The following XPO7 variants were observed in gnomAD, a reference collection of about 807,000 sequenced individuals.
XPO7 encodes the protein exportin-7.
Under a neutral mutation model 144.3 loss-of-function variants are expected in XPO7, and 21 were observed. The ratio of observed to expected loss-of-function variants is 0.15; its 90% CI spans 0.10 to 0.21. XPO7 has a LOEUF of 0.21. Among genes scored for constraint, XPO7 ranks in the 10% least tolerant of loss-of-function variants. The probability of loss-of-function intolerance (pLI) is 1.00; values close to 1 mark genes in which losing one functional copy is unlikely to be tolerated. For synonymous variants in XPO7, 580 were observed against 499.6 expected, an observed-to-expected ratio of 1.16 and a Z score of -2.15; for missense variants, 808 against 1,325.8, an observed-to-expected ratio of 0.61 and a Z score of 6.06.
rs35396759 is a variant in XPO7, at chr8:21,980,161, T to C, written c.915T>C (p.Ser305=). The C allele has an allele frequency of 0.022, 35,746 of 1,604,022 alleles. 480 individuals carry two copies. The highest frequency in any genetic ancestry group is 0.041 in the Admixed American group (2,408 of 58,580). Residue 305 remains serine (S), a synonymous_variant, in exon 9 of 28, where the codon TCT becomes TCC. Transcript: ENST00000252512. ...FNNAERAKFL[S]HLVDGVKRIL... ...ATGCAGAGAGGGCCAAGTTTCTCTC[T>C]CATCTTGTTGATGGTGTTAAACGAA...
rs1345254763 is a variant in XPO7 at position 21,976,322 on chromosome 8, A to AT, written c.598-30dup. ...GGAGCAAGCTGGGAAGAGAGGAGTG[A>AT]TTTTGGGGACTCATTATGTGGTAAT... On this transcript the variant is annotated intron_variant, in intron 6 of 27. Transcript: ENST00000252512. 9 of 1,602,410 alleles carry AT rather than the reference A, an allele frequency of 5.6e-6. No homozygotes were observed. The African/African-American group carries it at 9.4e-5, about 17-fold the overall frequency.
chr8:21,998,639 T>C, intron 21 of XPO7, 116 bp from the exon 22 acceptor site: 1 of 752,888 alleles, frequency 1.3e-6, no homozygotes, highest in Non-Finnish European at 2.2e-6. Flanking sequence ...GGATAGGCAA[T>C]TGCTTACCTT....
chr8:21,944,190 C>G (rs942864894), intron 1 of XPO7, among the ~76,000 whole-genome samples: 1 of 152,142 alleles, frequency 6.6e-6, no homozygotes, highest in African/African-American at 2.4e-5. Flanking sequence ...ATGAGCTTTT[C>G]CTGTATCAGT....
chr8:21,947,329 G>T (rs1811224452), intron 1 of XPO7, among the ~76,000 whole-genome samples: 2 of 151,792 alleles, frequency 1.3e-5, no homozygotes, highest in African/African-American at 4.8e-5. Context: ...CTAGTACTGG[G>T]GAGAAAAATG....
At chr8:21,992,749 T>C (rs1015513746) in intron 19 of XPO7, among the ~76,000 whole-genome samples, 9 of 152,214 alleles carry the variant, frequency 5.9e-5, no homozygotes, top group Non-Finnish European at 1.2e-4. Context: ...GTTCTTGTTT[T>C]CTAGCTCTTA....
chr8:21,968,569 A>G (rs1307057827), intron 2 of XPO7, among the ~76,000 whole-genome samples: 1 of 152,214 alleles, frequency 6.6e-6, no homozygotes, highest in Non-Finnish European at 1.5e-5. Context: ...TCTGCCAGCT[A>G]ACTCCTGCTG....
chr8:21,985,470 A>C, intron 12 of XPO7, 116 bp from the exon 13 acceptor site: 1 of 982,782 alleles, frequency 1.0e-6, no homozygotes, highest in Non-Finnish European at 1.6e-6. Flanking sequence ...TCTCTGTAAG[A>C]AAAGTAAGAC....
intron 22 of XPO7, 118 bp downstream of exon 22, chr8:21,998,955 A>G: frequency 7.0e-7 from 1 of 1,435,684 alleles, no homozygotes; most frequent in African/African-American, 1.4e-5. Context: ...TTCGTATTGT[A>G]TGCTAATACA....
chr8:21,964,699 G>T (rs1811828873), intron 1 of XPO7, among the ~76,000 whole-genome samples: 1 of 152,022 alleles, frequency 6.6e-6, no homozygotes, highest in Admixed American at 6.6e-5. Context: ...TGTTTCCTGA[G>T]CTGAGAACTC....
chr8:21,954,486 T>C (rs1333719421), intron 1 of XPO7, among the ~76,000 whole-genome samples: 3 of 151,906 alleles, frequency 2.0e-5, no homozygotes, highest in Non-Finnish European at 4.4e-5. Flanking sequence ...ATTCAAAAAT[T>C]AGCCAGGTGT....
At chr8:21,978,793 TC>T (rs1380103786) in intron 8 of XPO7, among the ~76,000 whole-genome samples, 1 of 152,134 alleles carries the variant, frequency 6.6e-6, no homozygotes, top group Non-Finnish European at 1.5e-5. Context: ...CTAGAGAAAC[TC>T]TGCCACTGCA....
chr8:21,987,260 T>G lies in XPO7; in HGVS notation c.1697T>G (p.Val566Gly). The G allele has an allele frequency of 6.2e-7, 1 of 1,614,038 alleles. No homozygotes were observed. Among genetic ancestry groups the G allele is most frequent in the African/African-American group, 1.3e-5 (1 of 75,050 alleles). The change falls in exon 14 of 28, where the codon GTG becomes GGG. Residue 566 changes from valine (V) to glycine (G), a missense_variant. Physicochemically the swap from Val to Gly is moderately radical, Grantham distance 109. Coordinates refer to ENST00000252512, the MANE Select transcript of XPO7 (RefSeq NM_015024.5). ...CGTAAGATCTACATTGGGGACCAAGTGCAGAAATCCTCTAAGGTAACAGCC... is the reference window on the plus strand; with the variant it reads ...CGTAAGATCTACATTGGGGACCAAGGGCAGAAATCCTCTAAGGTAACAGCC... ...QFRKIYIGDQ[V>G]QKSSKLYRRL...
At chr8:21,958,607 A>C in intron 1 of XPO7, among the ~76,000 whole-genome samples, 1 of 151,776 alleles carries the variant, frequency 6.6e-6, no homozygotes, top group East Asian at 1.9e-4. Context: ...GAAACATGGC[A>C]GTGAAAAAAA....
At chr8:21,988,577 C>A in intron 15 of XPO7, 1 of 174,990 alleles carries the variant, frequency 5.7e-6, no homozygotes, top group South Asian at 1.3e-4. Flanking sequence ...ATGGAAAAAG[C>A]AAAGGGGGTC....
chr8:21,989,127 A>C (rs992293891), intron 16 of XPO7, 44 bp downstream of exon 16: 2 of 1,557,710 alleles, frequency 1.3e-6, no homozygotes, highest in Non-Finnish European at 1.8e-6. Flanking sequence ...AGAAACTGGC[A>C]TGCCACAGTC....
chr8:21,927,139 C>CT lies in XPO7; in HGVS notation c.18+7352dup, dbSNP rs541958037. ...GCACACATGCTTGTAGTCCCAGCTA[C>CT]TGGGGGGGAGGCTAAGCTGGGAGGA... On this transcript the variant is annotated intron_variant, in intron 1 of 27. Transcript: ENST00000252512. Among the ~76,000 whole-genome samples, 1,187 of 152,144 alleles carry CT rather than the reference C, an allele frequency of 7.8e-3. 10 individuals carry two copies. The highest frequency in any genetic ancestry group is 0.033 in the South Asian group (161 of 4,822).
At chr8:21,984,117 A>G (rs1159625523) in intron 11 of XPO7, among the ~76,000 whole-genome samples, 1 of 152,138 alleles carries the variant, frequency 6.6e-6, no homozygotes, top group Non-Finnish European at 1.5e-5. Flanking sequence ...ACTTAGTATG[A>G]CCATTTATAA....
At chr8:21,956,659 C>T (rs1460487604) in intron 1 of XPO7, among the ~76,000 whole-genome samples, 1 of 151,718 alleles carries the variant, frequency 6.6e-6, no homozygotes, top group Non-Finnish European at 1.5e-5. Flanking sequence ...TATTTTCCCA[C>T]CTTTCAATAG....
At chr8:21,957,653 A>G (rs1305525139) in intron 1 of XPO7, among the ~76,000 whole-genome samples, 1 of 152,178 alleles carries the variant, frequency 6.6e-6, no homozygotes, top group Admixed American at 6.5e-5. Context: ...TCAATCTGCC[A>G]TTTTAATATG....
Sources: allele counts gnomAD v4.1 joint callset (sites outside exome capture counted in the v4.1 genomes callset), GRCh38; gene constraint gnomAD v4.1.1; transcripts MANE v1.5; gene names NCBI Gene and HGNC (gene_info 2026-07-23, HGNC 2026-07-21).